Variants in PTPRD observed in about 807,000 individuals in gnomAD.
PTPRD encodes receptor-type tyrosine-protein phosphatase delta.
In PTPRD, 34 loss-of-function variants were observed where a neutral mutation model predicts 214.5. The ratio of observed to expected loss-of-function variants is 0.16; its 90% CI spans 0.12 to 0.21. PTPRD has a LOEUF of 0.21. Ranked by LOEUF, PTPRD falls within the 10% of genes least tolerant of loss-of-function variation. The probability of loss-of-function intolerance (pLI) is 1.00; values close to 1 mark genes in which losing one functional copy is unlikely to be tolerated. For synonymous variants in PTPRD, 1,128 were observed against 845.7 expected (o/e 1.33, Z -5.79); for missense variants, 2,545 against 2,398.7 (o/e 1.06, Z -1.27).
chr9:9,397,276 T>A (rs767520557), intron 9 of PTPRD, among the ~76,000 whole-genome samples, 173 bp downstream of exon 9: 1 of 152,092 alleles, frequency 6.6e-6, no homozygotes, highest in Non-Finnish European at 1.5e-5. Context: ...AAAACTAAAG[T>A]CTTACTTTTA....
Position 8,973,161 on chromosome 9 carries a change from C to T in PTPRD, c.-104+45536G>A, listed in dbSNP as rs143135595. On this transcript the variant is annotated intron_variant, in intron 11 of 45. Coordinates refer to ENST00000381196, the MANE Select transcript of PTPRD (RefSeq NM_002839.4). Reference sequence around the variant, plus strand: ...AGATTTGTTAGATGAATATATTGGACCCAGGGTGTGAGCATAATACTCAAT... The same window carrying T: ...AGATTTGTTAGATGAATATATTGGATCCAGGGTGTGAGCATAATACTCAAT... Among the ~76,000 whole-genome samples the T allele has an allele frequency of 4.3e-3, 659 of 151,950 alleles. 5 individuals are homozygous for T. Among genetic ancestry groups the T allele is most frequent in the African/African-American group, 0.015 (627 of 41,462 alleles).
At chr9:9,325,581 G>A (rs1189316280) in intron 9 of PTPRD, among the ~76,000 whole-genome samples, 1 of 152,126 alleles carries the variant, frequency 6.6e-6, no homozygotes, top group Non-Finnish European at 1.5e-5. Flanking sequence ...ATCAGCCGAA[G>A]GAGATTTTGG....
chr9:10,110,093 T>C lies in PTPRD; in HGVS notation c.-544-76303A>G, dbSNP rs536120631. Among the ~76,000 whole-genome samples, 6 of 152,256 alleles carry C rather than the reference T, an allele frequency of 3.9e-5. No individual in the cohort carries two copies. In the South Asian group the frequency reaches 1.2e-3, roughly 32 times the overall value. On this transcript the variant is annotated intron_variant, in intron 3 of 45. Coordinates refer to ENST00000381196, the MANE Select transcript of PTPRD (RefSeq NM_002839.4). ...GTTTGTTATTAATTTCAAGGACAGA[T>C]TAAATTTCCTCATAATAGGGCAGAA... is the stretch of plus-strand genomic sequence containing the variant.
chr9:9,323,232 T>C (rs530794788), intron 9 of PTPRD, among the ~76,000 whole-genome samples: 1 of 152,122 alleles, frequency 6.6e-6, no homozygotes, highest in African/African-American at 2.4e-5. Context: ...AAAAAATCAT[T>C]GGTTTTATTT....
intron 2 of PTPRD, among the ~76,000 whole-genome samples, chr9:10,450,033 T>C (rs554155885): frequency 0.011 from 1,614 of 151,726 alleles, 51 homozygotes; most frequent in African/African-American, 0.037. Flanking sequence ...AAACAGATGC[T>C]TGAAGGCAGC....
chr9:8,457,668 C>G (rs780666036), intron 33 of PTPRD, among the ~76,000 whole-genome samples: 22 of 152,120 alleles, frequency 1.4e-4, no homozygotes, highest in Non-Finnish European at 2.6e-4. Flanking sequence ...ATTGCTAATG[C>G]TAGCATCTTA....
At chr9:10,455,128 A>C (rs1228931005) in intron 2 of PTPRD, among the ~76,000 whole-genome samples, 1 of 151,710 alleles carries the variant, frequency 6.6e-6, no homozygotes, top group African/African-American at 2.4e-5. Context: ...TGCTCACTCA[A>C]AGCTTATCAA....
chr9:10,230,440 C>CTATCTATCTATGTATG (rs1554901445), intron 3 of PTPRD, among the ~76,000 whole-genome samples: 1 of 132,654 alleles, frequency 7.5e-6, no homozygotes, highest in Non-Finnish European at 1.7e-5. Context: ...ATCTATGTAT[C>CTATCTATCTATGTATG]TATCTATCTA....
intron 9 of PTPRD, among the ~76,000 whole-genome samples, chr9:9,293,253 A>C (rs1951804558): frequency 6.6e-6 from 1 of 151,512 alleles, no homozygotes; most frequent in African/African-American, 2.4e-5. Context: ...GTATGGATTC[A>C]TGATTATTTA....
At chr9:10,094,785 C>A (rs2098466783) in intron 3 of PTPRD, among the ~76,000 whole-genome samples, 2 of 151,318 alleles carry the variant, frequency 1.3e-5, no homozygotes, top group Admixed American at 1.3e-4. Context: ...TTTTCCAGGC[C>A]TAAGAATTTC....
chr9:9,732,853 G>A (rs2098222870), intron 7 of PTPRD, among the ~76,000 whole-genome samples: 1 of 151,978 alleles, frequency 6.6e-6, no homozygotes, highest in African/African-American at 2.4e-5. Flanking sequence ...GGAGGCTGAG[G>A]TAGGAGGATT....
At chr9:9,167,639 CA>C in intron 10 of PTPRD, among the ~76,000 whole-genome samples, 1 of 151,920 alleles carries the variant, frequency 6.6e-6, no homozygotes, top group East Asian at 1.9e-4. Context: ...CCTGTAATCC[CA>C]GCTACTCGAG....
At chr9:10,040,276 A>C (rs2097271464) in intron 3 of PTPRD, among the ~76,000 whole-genome samples, 1 of 152,066 alleles carries the variant, frequency 6.6e-6, no homozygotes, top group Admixed American at 6.6e-5. Flanking sequence ...AATTAGGAAC[A>C]CTGACAGTTT....
chr9:9,957,883 GAA>G (rs112178494), intron 4 of PTPRD, among the ~76,000 whole-genome samples: 9 of 139,366 alleles, frequency 6.5e-5, no homozygotes, highest in African/African-American at 2.4e-4. Flanking sequence ...GACAGGGTGA[GAA>G]AAAAAAAAAA....
intron 10 of PTPRD, among the ~76,000 whole-genome samples, chr9:9,178,599 C>T (rs2099926329): frequency 6.6e-6 from 1 of 151,996 alleles, no homozygotes; most frequent in Non-Finnish European, 1.5e-5. Flanking sequence ...TATTGACAAA[C>T]TCTAAGTCTA....
At chr9:9,518,432 G>A (rs1359145302) in intron 8 of PTPRD, among the ~76,000 whole-genome samples, 2 of 152,028 alleles carry the variant, frequency 1.3e-5, no homozygotes, top group Non-Finnish European at 2.9e-5. Flanking sequence ...TAGGAGATAG[G>A]TGCTTTAAAA....
chr9:9,911,775 A>T (rs1055537436), intron 5 of PTPRD, among the ~76,000 whole-genome samples: 2 of 152,108 alleles, frequency 1.3e-5, no homozygotes, highest in Non-Finnish European at 2.9e-5. Context: ...AATTTTCAGG[A>T]TCATAAATAA....
intron 11 of PTPRD, among the ~76,000 whole-genome samples, chr9:8,923,378 C>T (rs1000881042): frequency 6.6e-6 from 1 of 151,926 alleles, no homozygotes; most frequent in Non-Finnish European, 1.5e-5. Context: ...AGTTACTCAG[C>T]ACCGAGAGCA....
At chr9:9,512,212 T>C (rs986310267) in intron 8 of PTPRD, among the ~76,000 whole-genome samples, 3 of 151,844 alleles carry the variant, frequency 2.0e-5, no homozygotes, top group Non-Finnish European at 4.4e-5. Flanking sequence ...TGATTAGCGA[T>C]TGAAAACACA....
Sources: allele counts gnomAD v4.1 joint callset (sites outside exome capture counted in the v4.1 genomes callset), GRCh38; gene constraint gnomAD v4.1.1; transcripts MANE v1.5; gene names NCBI Gene and HGNC (gene_info 2026-07-23, HGNC 2026-07-21).